The following SPATA16 variants were observed in gnomAD, a reference collection of about 807,000 sequenced individuals.
SPATA16 encodes the protein spermatogenesis associated 16, also known as spermatogenesis-associated protein 16.
SPATA16 carries 36 observed loss-of-function variants against 63.3 expected under a neutral mutation model. That is an observed-to-expected ratio of 0.57 (90% confidence interval 0.44 to 0.75). SPATA16 has a LOEUF of 0.75. Ranked by LOEUF, SPATA16 falls within the 30% of genes least tolerant of loss-of-function variation. SPATA16 has a pLI of 0.00. For synonymous variants in SPATA16, 203 were observed against 216.7 expected (o/e 0.94, Z 0.56); for missense variants, 646 against 679.3 (o/e 0.95, Z 0.54).
At chr3:173,059,559 G>GT (rs1231453327) in intron 2 of SPATA16, among the ~76,000 whole-genome samples, 1 of 151,700 alleles carries the variant, frequency 6.6e-6, no homozygotes, top group East Asian at 1.9e-4. Context: ...TTTATGAAGA[G>GT]TTAGTTAAGA....
At chr3:172,946,482 G>A (rs768872173) in intron 6 of SPATA16, among the ~76,000 whole-genome samples, 1 of 152,152 alleles carries the variant, frequency 6.6e-6, no homozygotes, top group Non-Finnish European at 1.5e-5. Context: ...GAGAGACCCA[G>A]CCCTGGGAAC....
At chr3:172,979,950 T>C (rs559960514) in intron 4 of SPATA16, among the ~76,000 whole-genome samples, 262 of 152,346 alleles carry the variant, frequency 1.7e-3, no homozygotes, top group Non-Finnish European at 2.7e-3. Context: ...CATGTATTCA[T>C]AGAGGTGTGT....
intron 1 of SPATA16, among the ~76,000 whole-genome samples, chr3:173,132,754 A>G (rs1185591024): frequency 6.6e-6 from 1 of 152,216 alleles, no homozygotes; most frequent in African/African-American, 2.4e-5. Context: ...GTAACAAAAA[A>G]TTAAAATATT....
chr3:173,067,734 G>A (rs976205664), intron 2 of SPATA16, among the ~76,000 whole-genome samples: 1 of 152,058 alleles, frequency 6.6e-6, no homozygotes, highest in South Asian at 2.1e-4. Context: ...CAAACTTATA[G>A]AAAGACATGA....
intron 1 of SPATA16, among the ~76,000 whole-genome samples, chr3:173,129,553 GATTTCT>G (rs1738314945): frequency 6.6e-6 from 1 of 151,588 alleles, no homozygotes; most frequent in South Asian, 2.1e-4. Flanking sequence ...TGCATGTACA[GATTTCT>G]GTGTATTCAC....
At chr3:173,103,704 C>G (rs1242381004) in intron 2 of SPATA16, among the ~76,000 whole-genome samples, 2 of 152,220 alleles carry the variant, frequency 1.3e-5, no homozygotes, top group African/African-American at 4.8e-5. Context: ...GGGGCTGCTA[C>G]AAAGATCTCT....
chr3:173,049,096 T>G lies in SPATA16; in HGVS notation c.613-2A>C, dbSNP rs1471862120. On this transcript the variant is annotated splice_acceptor_variant, in intron 2 of 10. Coordinates refer to ENST00000351008, the MANE Select transcript of SPATA16 (RefSeq NM_031955.6). LOFTEE classifies it high-confidence loss of function. ...CAGAACTGCTCCTTTGCTGCAAAGC[T>G]TTAAAAAATATAGTACTTTCAACAT... 6.2e-7 allele frequency: 1 copy of G among 1,610,496 alleles called. No individual in the cohort carries two copies. Among genetic ancestry groups the G allele is most frequent in the Admixed American group, 1.7e-5 (1 of 59,696 alleles).
At chr3:172,960,891 C>CTCTCCT (rs1733739841) in intron 5 of SPATA16, among the ~76,000 whole-genome samples, 3 of 81,100 alleles carry the variant, frequency 3.7e-5, no homozygotes, top group Non-Finnish European at 7.6e-5. Context: ...CTTTCTCTCT[C>CTCTCCT]TCCTTCCTTC....
chr3:172,950,510 A>G (rs1377622413), intron 6 of SPATA16, among the ~76,000 whole-genome samples: 1 of 152,208 alleles, frequency 6.6e-6, no homozygotes, highest in Non-Finnish European at 1.5e-5. Context: ...GTTTAATTCT[A>G]TAACTTTTTC....
Position 172,989,006 on chromosome 3 carries a change from T to C in SPATA16, c.849-11954A>G, listed in dbSNP as rs185849828. 3.9e-5 allele frequency among the ~76,000 whole-genome samples: 6 copies of C among 152,312 alleles called. No individual in the cohort carries two copies. In the East Asian group the frequency reaches 1.2e-3, roughly 29 times the overall value. On this transcript the variant is annotated intron_variant, in intron 4 of 10. Transcript: ENST00000351008. ...AGTTACATCTATTCAGAGCAGACAT[T>C]AGGCAGAATTATGATGTGCTTAAAC...
chr3:173,126,952 C>T (rs1738243829), intron 1 of SPATA16, among the ~76,000 whole-genome samples: 1 of 152,160 alleles, frequency 6.6e-6, no homozygotes, highest in African/African-American at 2.4e-5. Context: ...ATGAAGATTT[C>T]TTCTTTTGAA....
intron 5 of SPATA16, among the ~76,000 whole-genome samples, chr3:172,971,139 T>C (rs928284071): frequency 6.6e-6 from 1 of 152,186 alleles, no homozygotes; most frequent in Non-Finnish European, 1.5e-5. Flanking sequence ...GGAACTTCCA[T>C]GAAGACACCT....
chr3:173,123,805 T>C (rs1738153171), intron 1 of SPATA16, among the ~76,000 whole-genome samples: 1 of 151,930 alleles, frequency 6.6e-6, no homozygotes, highest in Non-Finnish European at 1.5e-5. Flanking sequence ...GATTTCACCA[T>C]GTTAGCCAGG....
intron 4 of SPATA16, among the ~76,000 whole-genome samples, chr3:172,988,648 C>T (rs1734507336): frequency 6.6e-6 from 1 of 152,142 alleles, no homozygotes; most frequent in African/African-American, 2.4e-5. Flanking sequence ...CTTTATAACA[C>T]TTTAATTTTT....
chr3:173,039,982 A>G (rs889131900), intron 3 of SPATA16, among the ~76,000 whole-genome samples: 1 of 152,116 alleles, frequency 6.6e-6, no homozygotes, highest in Non-Finnish European at 1.5e-5. Context: ...CCTTCAGAAC[A>G]TGCCTATGAT....
intron 6 of SPATA16, among the ~76,000 whole-genome samples, chr3:172,939,954 A>G (rs1733107427): frequency 6.6e-6 from 1 of 152,210 alleles, no homozygotes; most frequent in African/African-American, 2.4e-5. Flanking sequence ...CCAATGACCA[A>G]TAATTTAAAC....
chr3:172,944,125 G>A (rs10222448), intron 6 of SPATA16, among the ~76,000 whole-genome samples: 74,327 of 151,952 alleles, frequency 0.49, 20,035 homozygotes, highest in African/African-American at 0.72. Flanking sequence ...CAAAGAATTT[G>A]TATCTAGAAT....
At chr3:172,948,188 T>A (rs541040729) in intron 6 of SPATA16, among the ~76,000 whole-genome samples, 2 of 151,970 alleles carry the variant, frequency 1.3e-5, no homozygotes, top group African/African-American at 4.8e-5. Context: ...CATTTAATAA[T>A]CAAATTCCCA....
intron 2 of SPATA16, among the ~76,000 whole-genome samples, chr3:173,076,632 T>G (rs535383933): frequency 2.8e-4 from 43 of 152,130 alleles, no homozygotes; most frequent in Admixed American, 4.6e-4. Flanking sequence ...TCAGGGATAA[T>G]AAAAATTTTG....
Sources: gnomAD v4.1 joint callset for allele counts (sites outside exome capture counted in the v4.1 genomes callset) on GRCh38, gnomAD v4.1.1 for gene constraint, MANE v1.5 for transcripts, NCBI Gene and HGNC (gene_info 2026-07-23, HGNC 2026-07-21) for gene names.